The following MNAT1 variants were observed in gnomAD, a reference collection of about 807,000 sequenced individuals.
MNAT1 encodes MNAT1 component of CDK activating kinase, also known as CDK-activating kinase assembly factor MAT1.
MNAT1 carries 43 observed loss-of-function variants against 42.0 expected under a neutral mutation model. That is an observed-to-expected ratio of 1.02 (90% CI 0.80 to 1.32). The LOEUF (loss-of-function observed/expected upper bound fraction) is 1.32. Ranked by LOEUF, MNAT1 falls within the 40% of genes most tolerant of loss-of-function variation. MNAT1 has a pLI of 0.00. For synonymous variants in MNAT1, 118 were observed against 120.0 expected, an observed-to-expected ratio of 0.98 and a Z score of 0.11; for missense variants, 306 against 350.4, an observed-to-expected ratio of 0.87 and a Z score of 1.01.
chr14:60,886,877 C>G (rs1237571097), intron 7 of MNAT1, among the ~76,000 whole-genome samples: 2 of 152,012 alleles, frequency 1.3e-5, no homozygotes, highest in African/African-American at 4.8e-5. Context: ...TGTCTAATTG[C>G]TCTTTATAAT....
At chr14:60,889,241 C>T (rs1239792601) in intron 7 of MNAT1, among the ~76,000 whole-genome samples, 1 of 152,080 alleles carries the variant, frequency 6.6e-6, no homozygotes, top group African/African-American at 2.4e-5. Context: ...GGCACTGGTA[C>T]CAAAACAGAG....
At chr14:60,861,775 A>G (rs1003409696) in intron 6 of MNAT1, among the ~76,000 whole-genome samples, 1 of 152,198 alleles carries the variant, frequency 6.6e-6, no homozygotes, top group Admixed American at 6.5e-5. Flanking sequence ...TTTGCTTTCA[A>G]CAAGGCAAGT....
intron 1 of MNAT1, among the ~76,000 whole-genome samples, chr14:60,791,360 C>T (rs565314632): frequency 3.9e-5 from 6 of 152,164 alleles, no homozygotes; most frequent in African/African-American, 1.4e-4. Flanking sequence ...AATACCTGCT[C>T]CCAGGCCATC....
intron 6 of MNAT1, among the ~76,000 whole-genome samples, chr14:60,847,171 G>A (rs895726441): frequency 1.3e-5 from 2 of 152,054 alleles, no homozygotes; most frequent in African/African-American, 4.8e-5. Flanking sequence ...TTGGGAGGCC[G>A]AGGCGGGCGG....
chr14:60,864,517 G>C (rs1388160868), intron 6 of MNAT1, among the ~76,000 whole-genome samples: 2 of 151,940 alleles, frequency 1.3e-5, no homozygotes, highest in Admixed American at 1.3e-4. Context: ...CTGTAAAACA[G>C]GTAAAACATA....
At chr14:60,859,379 A>G (rs1345158782) in intron 6 of MNAT1, among the ~76,000 whole-genome samples, 3 of 152,168 alleles carry the variant, frequency 2.0e-5, no homozygotes, top group Non-Finnish European at 4.4e-5. Flanking sequence ...TTATTTATAG[A>G]CATTCACATT....
intron 2 of MNAT1, 27 bp downstream of exon 2, chr14:60,796,396 G>C: frequency 6.3e-7 from 1 of 1,593,870 alleles, no homozygotes; most frequent in South Asian, 1.1e-5. Flanking sequence ...GAATGATTCA[G>C]TCAACAAAGA....
intron 7 of MNAT1, chr14:60,919,900 C>T (rs183409484): frequency 3.0e-4 from 48 of 162,634 alleles, no homozygotes; most frequent in Middle Eastern, 5.8e-3. Context: ...TGCAGAGAGG[C>T]AGGTTGACTA....
At chr14:60,816,746 T>C (rs1332057445) in intron 5 of MNAT1, among the ~76,000 whole-genome samples, 3 of 152,092 alleles carry the variant, frequency 2.0e-5, no homozygotes, top group Non-Finnish European at 4.4e-5. Context: ...ATATTTTTTG[T>C]TGTTGGAACT....
chr14:60,780,603 A>G, intron 1 of MNAT1: 2 of 1,400,026 alleles, frequency 1.4e-6, no homozygotes, highest in East Asian at 2.3e-5. Flanking sequence ...TGAAGATGAC[A>G]TGAGGAAATA....
intron 6 of MNAT1, among the ~76,000 whole-genome samples, chr14:60,822,948 G>A (rs912585916): frequency 6.6e-6 from 1 of 152,054 alleles, no homozygotes; most frequent in Non-Finnish European, 1.5e-5. Context: ...GTAGCAATGG[G>A]GTTTCACCAT....
chr14:60,949,974 A>G lies in MNAT1; in HGVS notation c.810-18255A>G, dbSNP rs4151387. 5.7e-3 allele frequency among the ~76,000 whole-genome samples: 866 copies of G among 152,326 alleles called. 8 individuals carry two copies. Among genetic ancestry groups the G allele is most frequent in the Non-Finnish European group, 9.7e-3 (661 of 68,008 alleles). On this transcript the variant is annotated intron_variant, in intron 7 of 7. Transcript: ENST00000261245. ...GCTATAGTCACTAGTCCTTTGACTT[A>G]GATATTTTATGAACCAATTTTTACT...
chr14:60,773,229 G>T (rs530870755), intron 1 of MNAT1, among the ~76,000 whole-genome samples: 3 of 152,072 alleles, frequency 2.0e-5, no homozygotes, highest in Admixed American at 2.0e-4. Context: ...GAGCCACCAC[G>T]CCTGGCCTGT....
At chr14:60,818,622 C>T (rs1162420356) in intron 5 of MNAT1, 100 bp from the exon 6 acceptor site, 2 of 1,031,398 alleles carry the variant, frequency 1.9e-6, no homozygotes, top group Non-Finnish European at 2.7e-6. Context: ...TTTAGTTTGA[C>T]ATGAAATGCT....
intron 7 of MNAT1, among the ~76,000 whole-genome samples, chr14:60,954,619 T>C (rs1300607497): frequency 6.6e-6 from 1 of 152,186 alleles, no homozygotes; most frequent in Non-Finnish European, 1.5e-5. Context: ...CTGAATCAAT[T>C]AGTTTCAACA....
At chr14:60,743,813 A>G (rs887930023) in intron 1 of MNAT1, among the ~76,000 whole-genome samples, 2 of 152,014 alleles carry the variant, frequency 1.3e-5, no homozygotes, top group Admixed American at 1.3e-4. Flanking sequence ...TGTTCTTTAG[A>G]TTATATATTT....
At chr14:60,944,219 A>T (rs560859459) in intron 7 of MNAT1, among the ~76,000 whole-genome samples, 1 of 152,340 alleles carries the variant, frequency 6.6e-6, no homozygotes, top group African/African-American at 2.4e-5. Context: ...GAAGAAAATG[A>T]CAAAGGGTCA....
At chr14:60,890,966 A>C (rs2139486170) in intron 7 of MNAT1, among the ~76,000 whole-genome samples, 1 of 152,280 alleles carries the variant, frequency 6.6e-6, no homozygotes, top group South Asian at 2.1e-4. Flanking sequence ...CAGAGTATAG[A>C]ATGAGTTAGG....
chr14:60,824,067 G>A (rs1413980794), intron 6 of MNAT1, among the ~76,000 whole-genome samples: 1 of 151,998 alleles, frequency 6.6e-6, no homozygotes, highest in Non-Finnish European at 1.5e-5. Flanking sequence ...TGAGGCAGAA[G>A]AATCGCTTGA....
Sources: allele counts gnomAD v4.1 joint callset (sites outside exome capture counted in the v4.1 genomes callset), GRCh38; gene constraint gnomAD v4.1.1; transcripts MANE v1.5; gene names NCBI Gene and HGNC (gene_info 2026-07-23, HGNC 2026-07-21).